TKTL1: variants seen among roughly 807,000 people sequenced by gnomAD.
The protein encoded by TKTL1 is transketolase like 1.
Under a neutral mutation model 39.3 loss-of-function variants are expected in TKTL1, and 1 was observed. That is an observed-to-expected ratio of 0.03 (90% CI 0.01 to 0.12). The LOEUF is 0.12. Among genes scored for constraint, TKTL1 ranks in the 10% least tolerant of loss-of-function variants. The probability of loss-of-function intolerance (pLI) is 1.00; values close to 1 mark genes in which losing one functional copy is unlikely to be tolerated. For missense variants in TKTL1, 575 were observed against 509.6 expected (o/e 1.13, Z -1.24); for synonymous variants, 262 against 193.8 (o/e 1.35, Z -2.92).
At chrX:154,325,058 C>T (rs782581847) in intron 9 of TKTL1, among the ~76,000 whole-genome samples, 1 of 111,746 alleles carries the variant, frequency 8.9e-6, no homozygotes, top group African/African-American at 3.3e-5. Flanking sequence ...GTGCTCCTGC[C>T]GTGAGTTAAT....
At chrX:154,326,262 C>T (rs2067492764) in intron 10 of TKTL1, among the ~76,000 whole-genome samples, 2 of 111,913 alleles carry the variant, frequency 1.8e-5, no homozygotes, top group African/African-American at 3.3e-5. Context: ...CGCTGACCAT[C>T]CCCTGCTCAG....
chrX:154,309,273 C>A, intron 2 of TKTL1, 72 bp from the exon 3 acceptor site: 1 of 912,177 alleles, frequency 1.1e-6, no homozygotes, highest in Non-Finnish European at 1.6e-6. Flanking sequence ...GCAGCCTGCA[C>A]TCAGTGCGTG....
chrX:154,313,309 C>T (rs1165835575), intron 6 of TKTL1, among the ~76,000 whole-genome samples: 2 of 112,202 alleles, frequency 1.8e-5, no homozygotes, highest in Non-Finnish European at 3.8e-5. Flanking sequence ...CTCTGAATTA[C>T]ACAGAGGAGC....
At chrX:154,299,854 T>G (rs1166586170) in intron 1 of TKTL1, among the ~76,000 whole-genome samples, 2 of 111,837 alleles carry the variant, frequency 1.8e-5, no homozygotes. Context: ...GACACTTAGG[T>G]TGGTTCCTTA....
At chrX:154,325,523 T>C in intron 10 of TKTL1, 101 bp downstream of exon 10, 1 of 728,418 alleles carries the variant, frequency 1.4e-6, no homozygotes, top group Middle Eastern at 3.0e-4. Context: ...ACATCATCCT[T>C]TCTTTGCTCT....
chrX:154,312,874 C>T (rs2067369468), intron 6 of TKTL1, 101 bp downstream of exon 6: 8 of 812,483 alleles, frequency 9.8e-6, no homozygotes, highest in Non-Finnish European at 1.4e-5. Context: ...ATTCTGGTCT[C>T]CATGGACGAA....
chrX:154,313,370 C>CTT (rs1187747200), intron 6 of TKTL1, among the ~76,000 whole-genome samples: 1 of 111,918 alleles, frequency 8.9e-6, no homozygotes, highest in South Asian at 3.7e-4. Context: ...GCACAAAACT[C>CTT]TTGAGTATCA....
intron 8 of TKTL1, among the ~76,000 whole-genome samples, chrX:154,322,490 T>C (rs1224243777): frequency 9.0e-6 from 1 of 111,093 alleles, no homozygotes; most frequent in Non-Finnish European, 1.9e-5. Flanking sequence ...CAAGATGACC[T>C]AGTGCGCTCA....
chrX:154,320,623 T>C (rs2067441371), intron 7 of TKTL1, 134 bp from the exon 8 acceptor site: 1 of 635,851 alleles, frequency 1.6e-6, no homozygotes, highest in African/African-American at 2.2e-5. Flanking sequence ...GAAAGAGGGG[T>C]GTGGGAAGGA....
At chrX:154,304,864 C>T in intron 1 of TKTL1, 1 of 452,946 alleles carries the variant, frequency 2.2e-6, no homozygotes, top group Non-Finnish European at 3.4e-6. Flanking sequence ...TCAGAAAGGG[C>T]CTCAGTTACT....
intron 1 of TKTL1, among the ~76,000 whole-genome samples, chrX:154,297,913 A>AT (rs1201941780): frequency 1.4e-4 from 16 of 111,005 alleles, no homozygotes; most frequent in African/African-American, 5.2e-4. Context: ...AGAAAAAAAA[A>AT]TTTTTTTTTG....
chrX:154,321,792 T>C (rs1326125767), intron 8 of TKTL1, among the ~76,000 whole-genome samples: 2 of 106,398 alleles, frequency 1.9e-5, no homozygotes, highest in Admixed American at 2.1e-4. Context: ...CCTGGGAGAA[T>C]GAGGCTGGAC....
chrX:154,308,323 G>T, intron 2 of TKTL1, among the ~76,000 whole-genome samples: 1 of 112,008 alleles, frequency 8.9e-6, no homozygotes, highest in Non-Finnish European at 1.9e-5. Flanking sequence ...AGGCCCTGAG[G>T]CAGGTGTATG....
Position 154,329,742 on chromosome X carries a change from C to T in TKTL1, c.*54C>T, listed in dbSNP as rs2067523266. On this transcript the variant is annotated 3_prime_UTR_variant, in exon 13 of 13. Coordinates refer to ENST00000369915, the MANE Select transcript of TKTL1 (RefSeq NM_012253.4). ...TCTTTACCCTGTGTTTATGTTTGTT[C>T]CAAAACCATCATTTAAATCTCTACT... The T allele has an allele frequency of 6.1e-6, 7 of 1,139,740 alleles. No homozygotes were observed. Among genetic ancestry groups the T allele is most frequent in the Non-Finnish European group, 2.4e-6 (2 of 841,592 alleles). The allele number at this position is 1,139,740 out of a possible 1,213,427, so 93.9% of individuals were successfully genotyped here.
chrX:154,301,073 C>T (rs1375284414), intron 1 of TKTL1, among the ~76,000 whole-genome samples: 15 of 111,135 alleles, frequency 1.3e-4, no homozygotes, highest in African/African-American at 4.9e-4. Context: ...TTTGGATGCC[C>T]TTTATTTATT....
At chrX:154,298,792 T>C (rs957807999) in intron 1 of TKTL1, among the ~76,000 whole-genome samples, 3 of 111,795 alleles carry the variant, frequency 2.7e-5, no homozygotes, top group Non-Finnish European at 5.6e-5. Context: ...TCCTGCTAGC[T>C]TTGGGTTTAG....
chrX:154,302,029 C>G lies in TKTL1; in HGVS notation c.135-3275C>G, dbSNP rs59391801. Among the ~76,000 whole-genome samples, 623 of 110,396 alleles carry G rather than the reference C, an allele frequency of 5.6e-3. 5 individuals are homozygous for G. The highest frequency in any genetic ancestry group is 0.018 in the African/African-American group (559 of 30,297). ...ATCATGTTGGTTTCCTCGCTGTTTG[C>G]CGGCTATTGGCATTTGTGTCATCAC... is the stretch of plus-strand genomic sequence containing the variant. On this transcript the variant is annotated intron_variant, in intron 1 of 12. Coordinates refer to ENST00000369915, the MANE Select transcript of TKTL1 (RefSeq NM_012253.4).
chrX:154,309,209 C>T (rs1182927856), intron 2 of TKTL1, 136 bp from the exon 3 acceptor site: 1 of 525,737 alleles, frequency 1.9e-6, no homozygotes, highest in African/African-American at 2.3e-5. Context: ...AGGAATTCAC[C>T]CAGCAGGGCG....
chrX:154,320,468 T>C (rs1273285721), intron 7 of TKTL1: 16 of 344,597 alleles, frequency 4.6e-5, no homozygotes, highest in Non-Finnish European at 6.1e-5. Context: ...CAGGACAGAT[T>C]CAGGATGTCC....
Sources: allele counts gnomAD v4.1 joint callset (sites outside exome capture counted in the v4.1 genomes callset), GRCh38; gene constraint gnomAD v4.1.1; transcripts MANE v1.5; gene names NCBI Gene and HGNC (gene_info 2026-07-23, HGNC 2026-07-21).